CA10: variants seen among roughly 807,000 people sequenced by gnomAD.
The protein encoded by CA10 is carbonic anhydrase-related protein 10.
A neutral mutation model predicts 44.2 loss-of-function variants in CA10; 14 were observed. The ratio of observed to expected loss-of-function variants is 0.32; its 90% CI spans 0.21 to 0.50. The LOEUF is 0.50. Ranked by LOEUF, CA10 falls within the 20% of genes least tolerant of loss-of-function variation. The pLI, the probability that CA10 is intolerant of heterozygous loss-of-function variation, is 0.99. For missense variants in CA10, 350 were observed against 409.7 expected (o/e 0.85, Z 1.26); for synonymous variants, 159 against 141.6 (o/e 1.12, Z -0.87).
At chr17:51,971,786 G>C (rs546932836) in intron 2 of CA10, among the ~76,000 whole-genome samples, 1 of 152,036 alleles carries the variant, frequency 6.6e-6, no homozygotes, top group South Asian at 2.1e-4. Context: ...ATAAAATAAA[G>C]ATGCTAGAGA....
At chr17:51,806,220 C>T (rs867561665) in intron 3 of CA10, among the ~76,000 whole-genome samples, 3 of 152,164 alleles carry the variant, frequency 2.0e-5, no homozygotes, top group Middle Eastern at 3.4e-3. Context: ...TTTGTAGAGA[C>T]TATATTAGAG....
intron 4 of CA10, among the ~76,000 whole-genome samples, chr17:51,711,257 A>C (rs1476894786): frequency 2.6e-5 from 4 of 152,172 alleles, no homozygotes; most frequent in Non-Finnish European, 4.4e-5. Flanking sequence ...GCAAAAACTC[A>C]TGACTCCTAT....
chr17:51,910,623 T>C (rs960874198), intron 3 of CA10, among the ~76,000 whole-genome samples: 2 of 152,174 alleles, frequency 1.3e-5, no homozygotes, highest in African/African-American at 4.8e-5. Context: ...AATTTGGTTC[T>C]GAAGGCCTTG....
chr17:51,763,819 T>A (rs1905281186), intron 3 of CA10, among the ~76,000 whole-genome samples: 1 of 152,062 alleles, frequency 6.6e-6, no homozygotes, highest in Admixed American at 6.6e-5. Flanking sequence ...TTCAACAATT[T>A]AAAGAAATTC....
chr17:51,695,232 A>G (rs1422090146), intron 4 of CA10, among the ~76,000 whole-genome samples: 1 of 152,164 alleles, frequency 6.6e-6, no homozygotes. Flanking sequence ...GAATCTACAG[A>G]TTGCTTTGGG....
chr17:51,795,108 G>C (rs1009322723), intron 3 of CA10, among the ~76,000 whole-genome samples: 6 of 152,160 alleles, frequency 3.9e-5, no homozygotes, highest in African/African-American at 1.4e-4. Context: ...TCATTGTGTG[G>C]GTGGGAGGAT....
chr17:51,651,259 C>T (rs60769357), intron 5 of CA10, among the ~76,000 whole-genome samples: 2,864 of 152,270 alleles, frequency 0.019, 63 homozygotes, highest in African/African-American at 0.048. Context: ...GAGCTTTGTT[C>T]ATCTTACTTC....
intron 4 of CA10, among the ~76,000 whole-genome samples, chr17:51,669,092 G>T (rs1244975341): frequency 6.6e-6 from 1 of 152,202 alleles, no homozygotes; most frequent in African/African-American, 2.4e-5. Context: ...TGGCCTTGTG[G>T]TGCCCGGTCC....
At chr17:51,995,211 G>A (rs538454792) in intron 2 of CA10, among the ~76,000 whole-genome samples, 32 of 152,072 alleles carry the variant, frequency 2.1e-4, no homozygotes, top group African/African-American at 6.5e-4. Flanking sequence ...CACATCTCAA[G>A]TTATAAAATA....
intron 1 of CA10, among the ~76,000 whole-genome samples, chr17:52,136,670 GA>G (rs1204404112): frequency 6.6e-6 from 1 of 152,132 alleles, no homozygotes; most frequent in Non-Finnish European, 1.5e-5. Flanking sequence ...TAGGGTCCTG[GA>G]GAGTTCCCTC....
intron 4 of CA10, among the ~76,000 whole-genome samples, chr17:51,717,675 A>ACG (rs1916173526): frequency 1.0e-5 from 1 of 95,526 alleles, no homozygotes; most frequent in African/African-American, 3.7e-5. Context: ...ACATGTATAT[A>ACG]TGTATATATG....
At chr17:51,681,675 G>A (rs111715268) in intron 4 of CA10, among the ~76,000 whole-genome samples, 3 of 152,130 alleles carry the variant, frequency 2.0e-5, no homozygotes, top group Middle Eastern at 3.2e-3. Context: ...AAAATAAGTC[G>A]TGGCTGTTTA....
intron 2 of CA10, among the ~76,000 whole-genome samples, chr17:52,028,477 T>A (rs114557222): frequency 0.013 from 1,957 of 152,272 alleles, 37 homozygotes; most frequent in African/African-American, 0.045. Context: ...TGTAAAATAA[T>A]GATTTACTGA....
At chr17:51,787,904 C>A (rs551651832) in intron 3 of CA10, among the ~76,000 whole-genome samples, 1 of 152,168 alleles carries the variant, frequency 6.6e-6, no homozygotes, top group South Asian at 2.1e-4. Flanking sequence ...TTTCAAAAAT[C>A]CAACTTTTTG....
chr17:51,857,353 G>A (rs941720686), intron 3 of CA10, among the ~76,000 whole-genome samples: 15 of 152,138 alleles, frequency 9.9e-5, no homozygotes, highest in Non-Finnish European at 2.2e-4. Flanking sequence ...CGATTCAAAA[G>A]GCTGCTTTAC....
At chr17:52,044,053 A>G (rs2319637) in intron 2 of CA10, among the ~76,000 whole-genome samples, 150,886 of 152,250 alleles carry the variant, frequency 0.99, 74,785 homozygotes, top group East Asian at 1. Flanking sequence ...TGATATGAAA[A>G]TCATGCTGCC....
intron 3 of CA10, among the ~76,000 whole-genome samples, chr17:51,831,185 A>G (rs1250374915): frequency 1.3e-5 from 2 of 152,206 alleles, no homozygotes; most frequent in Admixed American, 6.5e-5. Flanking sequence ...TAATGCTTGC[A>G]TTGAAACAGT....
chr17:51,994,659 T>C (rs2144109506), intron 2 of CA10, among the ~76,000 whole-genome samples: 1 of 152,174 alleles, frequency 6.6e-6, no homozygotes. Context: ...CAGACTAAAT[T>C]TAGAATAAAC....
chr17:51,631,875 A>G lies in CA10; in HGVS notation c.965-269T>C, dbSNP rs531731612. Among the ~76,000 whole-genome samples, 4 of 152,312 alleles carry G rather than the reference A, an allele frequency of 2.6e-5. No individual in the cohort carries two copies. In the East Asian group the frequency reaches 7.7e-4, roughly 29 times the overall value. On this transcript the variant is annotated intron_variant, in intron 8 of 8. Transcript: ENST00000451037. The stretch of plus-strand genomic sequence containing the variant: ...AATAAAAAATTAGTTGCATCATTGT[A>G]CTAGTCACCCATCCAATGTTCAATA...
Sources: gnomAD v4.1 joint callset for allele counts (sites outside exome capture counted in the v4.1 genomes callset) on GRCh38, gnomAD v4.1.1 for gene constraint, MANE v1.5 for transcripts, NCBI Gene and HGNC (gene_info 2026-07-23, HGNC 2026-07-21) for gene names.